Variants in TNRC6A observed in about 807,000 individuals in gnomAD.
The protein encoded by TNRC6A is trinucleotide repeat-containing gene 6A protein.
Under a neutral mutation model 221.2 loss-of-function variants are expected in TNRC6A, and 44 were observed. That is an observed-to-expected ratio of 0.20 (90% CI 0.16 to 0.26). The LOEUF is 0.26. Ranked by LOEUF, TNRC6A falls within the 10% of genes least tolerant of loss-of-function variation. The pLI is 1.00. For missense variants in TNRC6A, 2,199 were observed against 2,404.4 expected (o/e 0.91, Z 1.79); for synonymous variants, 847 against 838.5 (o/e 1.01, Z -0.18).
chr16:24,728,370 T>C (rs1224320014), upstream of TNRC6A, among the ~76,000 whole-genome samples: 1 of 151,760 alleles, frequency 6.6e-6, no homozygotes, highest in Non-Finnish European at 1.5e-5. Context: ...TTGCTTGAAC[T>C]CGGGAGGCGG....
chr16:24,708,597 A>AGT (rs1427354905), intron 2 of TNRC6A, among the ~76,000 whole-genome samples: 1 of 152,074 alleles, frequency 6.6e-6, no homozygotes, highest in African/African-American at 2.4e-5. Flanking sequence ...TCACCCTAGC[A>AGT]GTGTACAGTG....
At chr16:24,738,924 G>A (rs895565241) in intron 2 of TNRC6A, among the ~76,000 whole-genome samples, 3 of 152,160 alleles carry the variant, frequency 2.0e-5, no homozygotes, top group African/African-American at 7.2e-5. Flanking sequence ...TGCAATCTCA[G>A]CTCACTGCAA....
At chr16:24,705,287 C>T (rs2056073868) in intron 2 of TNRC6A, among the ~76,000 whole-genome samples, 1 of 152,044 alleles carries the variant, frequency 6.6e-6, no homozygotes, top group African/African-American at 2.4e-5. Flanking sequence ...GCCAGGATGG[C>T]CTCTCAAACT....
At chr16:24,818,444 G>A (rs763283239) in intron 20 of TNRC6A, 149 bp from the exon 21 acceptor site, 1 of 655,264 alleles carries the variant, frequency 1.5e-6, no homozygotes, top group East Asian at 2.7e-5. Flanking sequence ...AGGCAAGAAG[G>A]AAGATGTCTC....
chr16:24,719,359 A>G (rs2056370916), intron 2 of TNRC6A, among the ~76,000 whole-genome samples: 1 of 152,118 alleles, frequency 6.6e-6, no homozygotes, highest in African/African-American at 2.4e-5. Context: ...TCCTATCTCT[A>G]CAAAAAATTT....
At chr16:24,645,975 T>C (rs1902269058) in intron 2 of TNRC6A, among the ~76,000 whole-genome samples, 1 of 149,952 alleles carries the variant, frequency 6.7e-6, no homozygotes, top group Non-Finnish European at 1.5e-5. Context: ...GCCAAGATAA[T>C]GCCACTGCAC....
intron 2 of TNRC6A, among the ~76,000 whole-genome samples, chr16:24,724,139 G>T (rs963914140): frequency 6.6e-6 from 1 of 152,168 alleles, no homozygotes; most frequent in Admixed American, 6.6e-5. Flanking sequence ...ATAGAAAGAG[G>T]TGGTGTTACA....
At chr16:24,664,808 C>CAT (rs1475606699) in intron 2 of TNRC6A, 1 of 439,612 alleles carries the variant, frequency 2.3e-6, no homozygotes, top group South Asian at 1.6e-5. Context: ...CACACACACA[C>CAT]ACACAAAACC....
chr16:24,731,317 A>G (rs888802849), intron 2 of TNRC6A, among the ~76,000 whole-genome samples: 1 of 152,134 alleles, frequency 6.6e-6, no homozygotes, highest in African/African-American at 2.4e-5. Context: ...TAACACTCAC[A>G]TTTCAAATCG....
In TNRC6A at chr16:24,777,096, A is replaced by ACAGCAGCAGCCACAGCCGCAGCCGCAG. The variant is rs780397192; in HGVS notation, c.344_370dup (p.Pro115_Gln123dup). On this transcript the variant is annotated inframe_insertion, in exon 5 of 25. Transcript: ENST00000395799. ...AGCAGCAGCCGCAGCAGCAGCAGCC[A>ACAGCAGCAGCCACAGCCGCAGCCGCAG]CAGCAGCAGCCACAGCCGCAGCCGC... The ACAGCAGCAGCCACAGCCGCAGCCGCAG allele has an allele frequency of 2.1e-6, 3 of 1,445,234 alleles. No homozygotes were observed. The highest frequency in any genetic ancestry group is 1.8e-5 in the Admixed American group (1 of 56,538). The allele number at this position is 1,445,234 out of a possible 1,614,324, so 89.5% of individuals were successfully genotyped here.
rs1291638943 is a variant in TNRC6A, at chr16:24,820,458, T to TG, written c.5302+99dup. On this transcript the variant is annotated intron_variant, in intron 22 of 24. Coordinates refer to ENST00000395799, the MANE Select transcript of TNRC6A (RefSeq NM_014494.4). ...AACAGAGACCTGAACGGTAAACTAT[T>TG]GCCTCACCTCCATCAGGGGGAATGA... The TG allele has an allele frequency of 6.6e-6, 7 of 1,061,768 alleles. No homozygotes were observed. The African/African-American group carries it at 1.1e-4, about 17-fold the overall frequency. 65.8% of individuals were successfully genotyped at this position (1,061,768 alleles called of 1,614,324 possible).
chr16:24,673,123 C>T (rs572790486), intron 2 of TNRC6A, among the ~76,000 whole-genome samples: 1 of 151,996 alleles, frequency 6.6e-6, no homozygotes, highest in Non-Finnish European at 1.5e-5. Flanking sequence ...AAGAATTGCT[C>T]GAGGCCAGGA....
At chr16:24,712,169 A>G (rs1194794588) in intron 2 of TNRC6A, among the ~76,000 whole-genome samples, 1 of 151,938 alleles carries the variant, frequency 6.6e-6, no homozygotes, top group Non-Finnish European at 1.5e-5. Context: ...TTTGTTTTTA[A>G]GAGAGACTCG....
rs184118898 is a variant in TNRC6A at position 24,825,285 on chromosome 16, A to C, written c.*1478A>C. 1 of 152,746 alleles carries C rather than the reference A, an allele frequency of 6.5e-6. No individual in the cohort carries two copies. The highest frequency in any genetic ancestry group is 6.5e-5 in the Admixed American group (1 of 15,296). 9.5% of individuals were successfully genotyped at this position (152,746 alleles called of 1,614,324 possible). Reference sequence around the variant, plus strand: ...AGGGTAAAAATTTTAACAGTACAGAATTTGCCATCATATCATTGCCTTGAT... The same window carrying C: ...AGGGTAAAAATTTTAACAGTACAGACTTTGCCATCATATCATTGCCTTGAT... On this transcript the variant is annotated 3_prime_UTR_variant, in exon 25 of 25. Coordinates refer to ENST00000395799, the MANE Select transcript of TNRC6A (RefSeq NM_014494.4).
chr16:24,654,878 T>C (rs753432151), intron 2 of TNRC6A, among the ~76,000 whole-genome samples: 6 of 152,186 alleles, frequency 3.9e-5, no homozygotes, highest in Non-Finnish European at 8.8e-5. Context: ...AAAAACATTC[T>C]GGACAGAATA....
intron 2 of TNRC6A, among the ~76,000 whole-genome samples, chr16:24,660,896 C>T (rs1347963618): frequency 6.6e-6 from 1 of 151,868 alleles, no homozygotes; most frequent in Non-Finnish European, 1.5e-5. Context: ...TGCCCGCCAC[C>T]ACGCCAGGCT....
At chr16:24,766,920 A>G (rs1596652920) in intron 4 of TNRC6A, among the ~76,000 whole-genome samples, 1 of 151,686 alleles carries the variant, frequency 6.6e-6, no homozygotes. Context: ...CAAGTGATCC[A>G]CCTGCCTCGG....
intron 1 of TNRC6A, among the ~76,000 whole-genome samples, chr16:24,621,524 A>G (rs1311481354): frequency 6.6e-6 from 1 of 151,498 alleles, no homozygotes; most frequent in Non-Finnish European, 1.5e-5. Context: ...CACCCAACTA[A>G]TTTTTGTATT....
intron 16 of TNRC6A, 140 bp from the exon 17 acceptor site, chr16:24,806,434 A>G (rs2058433450): frequency 3.7e-6 from 5 of 1,362,060 alleles, no homozygotes; most frequent in South Asian, 2.7e-5. Flanking sequence ...CTGGTTGCCC[A>G]TGAGTTATGT....
Sources: allele counts gnomAD v4.1 joint callset (sites outside exome capture counted in the v4.1 genomes callset), GRCh38; gene constraint gnomAD v4.1.1; transcripts MANE v1.5; gene names NCBI Gene and HGNC (gene_info 2026-07-23, HGNC 2026-07-21).